The following CLSTN2 variants were observed in gnomAD, a reference collection of about 807,000 sequenced individuals.
CLSTN2 encodes calsyntenin 2, also known as calsyntenin-2.
CLSTN2 carries 48 observed loss-of-function variants against 101.2 expected under a neutral mutation model. The observed-to-expected ratio is 0.47, with a 90% CI of 0.38 to 0.60. The LOEUF (loss-of-function observed/expected upper bound fraction) is 0.60, where lower values mean the gene tolerates loss of function less well. Ranked by LOEUF, CLSTN2 falls within the 20% of genes least tolerant of loss-of-function variation. The pLI, the probability that CLSTN2 is intolerant of heterozygous loss-of-function variation, is 0.00. For synonymous variants in CLSTN2, 481 were observed against 463.6 expected, an observed-to-expected ratio of 1.04 and a Z score of -0.48; for missense variants, 1,160 against 1,238.2, an observed-to-expected ratio of 0.94 and a Z score of 0.95.
chr3:140,032,665 G>A (rs866743742), intron 1 of CLSTN2, among the ~76,000 whole-genome samples: 16 of 152,188 alleles, frequency 1.1e-4, no homozygotes, highest in South Asian at 2.1e-4. Context: ...GTGGTCCAAA[G>A]CTGGTACAGG....
intron 3 of CLSTN2, 76 bp downstream of exon 3, chr3:140,403,900 A>G: frequency 8.2e-7 from 1 of 1,212,474 alleles, no homozygotes; most frequent in Non-Finnish European, 1.2e-6. Flanking sequence ...GCTGCTCTTC[A>G]GATATGTTTA....
intron 8 of CLSTN2, among the ~76,000 whole-genome samples, chr3:140,500,758 C>T (rs1331206830): frequency 2.0e-5 from 3 of 152,194 alleles, no homozygotes; most frequent in Admixed American, 2.0e-4. Context: ...ATTATACCCA[C>T]TCATCCTCCC....
Position 140,569,639 on chromosome 3 carries a change from G to T in CLSTN2, c.*3386G>T, listed in dbSNP as rs1252595470. The T allele has an allele frequency of 1.3e-5, 2 of 152,176 alleles. No individual in the cohort carries two copies. The highest frequency in any genetic ancestry group is 3.8e-4 in the East Asian group (2 of 5,198). The allele number at this position is 152,176 out of a possible 1,614,324, so 9.4% of individuals were successfully genotyped here. On this transcript the variant is annotated 3_prime_UTR_variant, in exon 17 of 17. Coordinates refer to ENST00000458420, the MANE Select transcript of CLSTN2 (RefSeq NM_022131.3). ...AAATTCATCTAGATACCAAAAATGT[G>T]ATTTCAGTGAAATCTCTTTTCATTG... is the stretch of plus-strand genomic sequence containing the variant.
chr3:140,528,554 G>A (rs945809653), intron 8 of CLSTN2, among the ~76,000 whole-genome samples: 8 of 151,718 alleles, frequency 5.3e-5, no homozygotes, highest in East Asian at 1.9e-4. Context: ...AAAGTAGGAC[G>A]TGCATTTAGT....
intron 9 of CLSTN2, among the ~76,000 whole-genome samples, chr3:140,536,171 A>G (rs1033926869): frequency 1.3e-5 from 2 of 152,108 alleles, no homozygotes; most frequent in African/African-American, 2.4e-5. Flanking sequence ...TACTAGCTGT[A>G]CGGACCCAGC....
chr3:139,992,995 TTC>T (rs1936141313), intron 1 of CLSTN2, among the ~76,000 whole-genome samples: 1 of 152,202 alleles, frequency 6.6e-6, no homozygotes, highest in African/African-American at 2.4e-5. Flanking sequence ...CTTTTTGCAG[TTC>T]TCTCTTTCTT....
chr3:140,204,468 C>T (rs1011925796), intron 2 of CLSTN2, among the ~76,000 whole-genome samples: 5 of 152,170 alleles, frequency 3.3e-5, no homozygotes, highest in African/African-American at 1.2e-4. Flanking sequence ...ATGTAAAGTA[C>T]CTAGTATCTG....
At chr3:140,166,032 C>G (rs1291047750) in intron 1 of CLSTN2, among the ~76,000 whole-genome samples, 1 of 152,134 alleles carries the variant, frequency 6.6e-6, no homozygotes, top group Non-Finnish European at 1.5e-5. Flanking sequence ...CATTTCTTCT[C>G]TCTGCCTATC....
At chr3:140,062,200 T>G (rs2008218335) in intron 1 of CLSTN2, among the ~76,000 whole-genome samples, 1 of 152,076 alleles carries the variant, frequency 6.6e-6, no homozygotes, top group African/African-American at 2.4e-5. Flanking sequence ...CATGATGACG[T>G]CAGTCCTCCC....
Position 140,133,574 on chromosome 3 carries a change from G to A in CLSTN2, c.110-42377G>A, listed in dbSNP as rs562275115. 6.6e-5 allele frequency among the ~76,000 whole-genome samples: 10 copies of A among 152,244 alleles called. No individual in the cohort carries two copies. The East Asian group carries it at 1.9e-3, about 29-fold the overall frequency. On this transcript the variant is annotated intron_variant, in intron 1 of 16. Transcript: ENST00000458420. ...GCAAGATAGTTTTGGGAAGGCCCAG[G>A]TTCCTCCCACAACATCTGAAGGTCA...
At chr3:140,294,564 CTTT>C (rs768868571) in intron 2 of CLSTN2, among the ~76,000 whole-genome samples, 2 of 140,960 alleles carry the variant, frequency 1.4e-5, no homozygotes, top group Non-Finnish European at 1.6e-5. Flanking sequence ...TCCCCAATGT[CTTT>C]TTTTTTTTTT....
At chr3:140,523,080 A>G (rs1935065116) in intron 8 of CLSTN2, among the ~76,000 whole-genome samples, 1 of 151,720 alleles carries the variant, frequency 6.6e-6, no homozygotes, top group Non-Finnish European at 1.5e-5. Context: ...TTTGTTTCTC[A>G]GTTCAGGATT....
chr3:140,364,791 A>T (rs923964655), intron 2 of CLSTN2, among the ~76,000 whole-genome samples: 2 of 152,170 alleles, frequency 1.3e-5, no homozygotes, highest in Non-Finnish European at 2.9e-5. Context: ...AAATTTATTC[A>T]TTCATTCATT....
At position 140,111,934 on chromosome 3, in the gene CLSTN2, C is replaced by T. The variant is rs1040771506; in HGVS notation, c.110-64017C>T. 1.8e-4 allele frequency among the ~76,000 whole-genome samples: 28 copies of T among 152,280 alleles called. 1 individual carries two copies. Among genetic ancestry groups the T allele is most frequent in the South Asian group, 2.1e-4 (1 of 4,822 alleles). ...TACAAGAGTACAAGTGACTTACCCA[C>T]GACCACACAGCCAGTGGTCTGCAAA... On this transcript the variant is annotated intron_variant, in intron 1 of 16. Coordinates refer to ENST00000458420, the MANE Select transcript of CLSTN2 (RefSeq NM_022131.3).
chr3:139,947,638 C>A (rs1176287439), intron 1 of CLSTN2, among the ~76,000 whole-genome samples: 1 of 152,100 alleles, frequency 6.6e-6, no homozygotes, highest in East Asian at 1.9e-4. Context: ...ATAGCTAAGA[C>A]CCCGATTTCA....
intron 1 of CLSTN2, among the ~76,000 whole-genome samples, chr3:140,032,623 C>A (rs1024692407): frequency 3.3e-5 from 5 of 152,108 alleles, no homozygotes; most frequent in African/African-American, 4.8e-5. Flanking sequence ...GGGCGTGTAC[C>A]ACCATGCCCA....
At chr3:140,250,785 G>C (rs1423733524) in intron 2 of CLSTN2, among the ~76,000 whole-genome samples, 1 of 152,174 alleles carries the variant, frequency 6.6e-6, no homozygotes, top group Non-Finnish European at 1.5e-5. Context: ...AAACTCGAGA[G>C]TAAAACAGTG....
At chr3:140,136,071 A>G (rs2107806700) in intron 1 of CLSTN2, among the ~76,000 whole-genome samples, 1 of 152,348 alleles carries the variant, frequency 6.6e-6, no homozygotes, top group South Asian at 2.1e-4. Context: ...AGCTTATTAA[A>G]TAGAGTGAGG....
intron 2 of CLSTN2, among the ~76,000 whole-genome samples, chr3:140,209,779 A>G (rs976599495): frequency 2.6e-5 from 4 of 152,170 alleles, no homozygotes; most frequent in Non-Finnish European, 4.4e-5. Context: ...AGGGGCTGGC[A>G]TGATGAAAGG....
Sources: gnomAD v4.1 joint callset for allele counts (sites outside exome capture counted in the v4.1 genomes callset) on GRCh38, gnomAD v4.1.1 for gene constraint, MANE v1.5 for transcripts, NCBI Gene and HGNC (gene_info 2026-07-23, HGNC 2026-07-21) for gene names.